Variants in LARP4B observed in about 807,000 individuals in gnomAD.
LARP4B encodes the protein La ribonucleoprotein 4B, also known as la-related protein 4B.
A neutral mutation model predicts 89.8 loss-of-function variants in LARP4B; 12 were observed. That is an observed-to-expected ratio of 0.13 (90% CI 0.09 to 0.22). LARP4B has a LOEUF of 0.22. Among genes scored for constraint, LARP4B ranks in the 10% least tolerant of loss-of-function variants. The pLI, the probability that LARP4B is intolerant of heterozygous loss-of-function variation, is 1.00. For missense variants in LARP4B, 757 were observed against 947.7 expected (o/e 0.80, Z 2.64); for synonymous variants, 367 against 363.3 (o/e 1.01, Z -0.12).
At chr10:884,720 G>C (rs1031406087) in intron 2 of LARP4B, among the ~76,000 whole-genome samples, 1 of 151,914 alleles carries the variant, frequency 6.6e-6, no homozygotes, top group Admixed American at 6.6e-5. Context: ...AGATTCAATG[G>C]GGAAAACTAA....
chr10:980,528 G>A, the LARP4B span, among the ~76,000 whole-genome samples: 21 of 152,314 alleles, frequency 1.4e-4, no homozygotes, highest in Admixed American at 3.3e-4. Context: ...CTTGCATTCT[G>A]TGCACCTGCA....
At chr10:952,360 AAAAG>A in the LARP4B span, among the ~76,000 whole-genome samples, 82 of 150,168 alleles carry the variant, frequency 5.5e-4, 2 homozygotes, top group African/African-American at 1.9e-3. Flanking sequence ...AAAAAAAAAA[AAAAG>A]GAAGAAATCG....
intron 11 of LARP4B, among the ~76,000 whole-genome samples, chr10:827,485 T>C (rs1832693800): frequency 6.6e-6 from 1 of 152,172 alleles, no homozygotes; most frequent in African/African-American, 2.4e-5. Flanking sequence ...GTTCCTATTA[T>C]TACTTGTTGG....
chr10:936,522 C>G (rs1830749402), upstream of LARP4B, among the ~76,000 whole-genome samples: 1 of 152,064 alleles, frequency 6.6e-6, no homozygotes, highest in Non-Finnish European at 1.5e-5. Flanking sequence ...GAGTTCGAGA[C>G]CAGCCTGGCC....
chr10:933,991 C>T (rs1765679686), upstream of LARP4B, among the ~76,000 whole-genome samples: 1 of 151,940 alleles, frequency 6.6e-6, no homozygotes, highest in Admixed American at 6.6e-5. Flanking sequence ...TGCCACCACG[C>T]CCAGCTAATT....
chr10:891,255 A>G (rs941637945), intron 1 of LARP4B, among the ~76,000 whole-genome samples: 3 of 152,216 alleles, frequency 2.0e-5, no homozygotes, highest in African/African-American at 7.2e-5. Context: ...CACACAGTGG[A>G]AAGTTTCGGA....
chr10:954,722 G>T, the LARP4B span, among the ~76,000 whole-genome samples: 5 of 152,116 alleles, frequency 3.3e-5, no homozygotes, highest in African/African-American at 1.2e-4. This position sits in a 1 kb window ranked among gnomAD's most constrained non-coding sequence, Gnocchi z 5.0. Flanking sequence ...TGCGACACAT[G>T]CATGGCAGAT....
chr10:959,968 C>CGTCAATCCCACCTCCTT, the LARP4B span, among the ~76,000 whole-genome samples: 1 of 151,606 alleles, frequency 6.6e-6, no homozygotes, highest in African/African-American at 2.4e-5. Context: ...CCCACCTCCT[C>CGTCAATCCCACCTCCTT]GTGTCCCCTC....
downstream of LARP4B, chr10:809,433 A>G (rs1377605595): frequency 6.6e-6 from 1 of 152,240 alleles, no homozygotes; most frequent in African/African-American, 2.4e-5. Context: ...CCAATCATAT[A>G]TGAGGCCCGT....
intron 1 of LARP4B, among the ~76,000 whole-genome samples, chr10:927,881 TAA>T (rs1327036545): frequency 3.9e-5 from 6 of 152,200 alleles, no homozygotes; most frequent in Non-Finnish European, 5.9e-5. Context: ...ACAGAATCTA[TAA>T]GAGTACTGTA....
At chr10:866,958 A>G (rs923613804) in intron 3 of LARP4B, among the ~76,000 whole-genome samples, 1 of 152,244 alleles carries the variant, frequency 6.6e-6, no homozygotes, top group African/African-American at 2.4e-5. Flanking sequence ...TACTGCTGAT[A>G]GCCAGCACAG....
Position 842,163 on chromosome 10 carries a change from G to A in LARP4B, c.646+769C>T, listed in dbSNP as rs144937075. Among the ~76,000 whole-genome samples the A allele has an allele frequency of 5.2e-3, 789 of 151,948 alleles. 5 individuals carry two copies. The highest frequency in any genetic ancestry group is 9.1e-3 in the Non-Finnish European group (617 of 67,978). ...TAATGCTTAAACACTGTTTGATGTT[G>A]CCAAACTTCAAAGAAACAACTTCAC... On this transcript the variant is annotated intron_variant, in intron 7 of 17. Transcript: ENST00000316157.
In LARP4B at chr10:825,402, T is replaced by C. The variant is rs1588862747; in HGVS notation, c.1233-86A>G. 18 of 1,295,464 alleles carry C rather than the reference T, an allele frequency of 1.4e-5. No individual in the cohort carries two copies. In the East Asian group the frequency reaches 4.2e-4, roughly 30 times the overall value. The allele number at this position is 1,295,464 out of a possible 1,614,324, so 80.2% of individuals were successfully genotyped here. On this transcript the variant is annotated intron_variant, in intron 12 of 17. Coordinates refer to ENST00000316157, the MANE Select transcript of LARP4B (RefSeq NM_015155.3). ...GCATACTGACATGGAATAGCTAAGC[T>C]GAAATCTGCTCTCTGTTTAATAAAG...
intron 7 of LARP4B, among the ~76,000 whole-genome samples, chr10:840,155 G>C (rs1010037735): frequency 6.6e-6 from 1 of 152,138 alleles, no homozygotes; most frequent in African/African-American, 2.4e-5. Flanking sequence ...ATGGCTGTTT[G>C]GTATCGTGAT....
At chr10:854,167 T>C (rs998790162) in intron 5 of LARP4B, among the ~76,000 whole-genome samples, 1 of 152,232 alleles carries the variant, frequency 6.6e-6, no homozygotes, top group Non-Finnish European at 1.5e-5. Context: ...ATTTTCAGGC[T>C]GTACTTCTGA....
At chr10:955,557 C>T in the LARP4B span, among the ~76,000 whole-genome samples, 1 of 152,204 alleles carries the variant, frequency 6.6e-6, no homozygotes, top group African/African-American at 2.4e-5. This position sits in a 1 kb window ranked among gnomAD's most constrained non-coding sequence, Gnocchi z 5.2. Context: ...ACCTTCAACT[C>T]GGGCCTTTGC....
At chr10:860,459 TCCATTCC>T (rs1834542840) in intron 5 of LARP4B, among the ~76,000 whole-genome samples, 1 of 152,190 alleles carries the variant, frequency 6.6e-6, no homozygotes, top group Admixed American at 6.5e-5. Context: ...ATCCAGCTAC[TCCATTCC>T]TAGGTATTTT....
At chr10:948,381 G>A in the LARP4B span, among the ~76,000 whole-genome samples, 1 of 152,094 alleles carries the variant, frequency 6.6e-6, no homozygotes, top group Non-Finnish European at 1.5e-5. Context: ...CAAGTAGCTG[G>A]GATTACAGGT....
chr10:953,777 G>A, the LARP4B span, among the ~76,000 whole-genome samples: 1 of 152,216 alleles, frequency 6.6e-6, no homozygotes, highest in Admixed American at 6.5e-5. Context: ...ATGAAGAGAC[G>A]CCGGTTGTAA....
Sources: gnomAD v4.1 joint callset for allele counts (sites outside exome capture counted in the v4.1 genomes callset) on GRCh38, gnomAD v4.1.1 for gene constraint, Gnocchi (gnomAD v3.1) non-coding constraint, MANE v1.5 for transcripts, NCBI Gene and HGNC (gene_info 2026-07-23, HGNC 2026-07-21) for gene names.